The following ARF3 variants were observed in gnomAD, a reference collection of about 807,000 sequenced individuals.
The protein encoded by ARF3 is ADP-ribosylation factor 3.
Under a neutral mutation model 19.3 loss-of-function variants are expected in ARF3, and 5 were observed. That is an observed-to-expected ratio of 0.26 (90% CI 0.14 to 0.54). The LOEUF is 0.54. Among genes scored for constraint, ARF3 ranks in the 20% least tolerant of loss-of-function variants. ARF3 has a pLI of 0.95. For missense variants in ARF3, 77 were observed against 234.2 expected, an observed-to-expected ratio of 0.33 and a Z score of 4.38; for synonymous variants, 71 against 89.2, an observed-to-expected ratio of 0.80 and a Z score of 1.15.
At chr12:48,946,843 G>A (rs570993856) in intron 1 of ARF3, among the ~76,000 whole-genome samples, 3 of 152,014 alleles carry the variant, frequency 2.0e-5, no homozygotes, top group Non-Finnish European at 4.4e-5. Context: ...CATCCCAGTC[G>A]GCCACACATA....
intron 1 of ARF3, among the ~76,000 whole-genome samples, chr12:48,946,919 T>A (rs1434974746): frequency 6.6e-6 from 1 of 152,218 alleles, no homozygotes; most frequent in African/African-American, 2.4e-5. Context: ...AGGGGACTCC[T>A]GATCTGGCAC....
rs972648145 is a variant in ARF3, at chr12:48,937,400, G to C, written c.*1547C>G. ...CAGCCACGTCTTCACAGAAACTACA[G>C]AAGTCAGGACCCAGGCGAGGACCTC... is the stretch of plus-strand genomic sequence containing the variant. On this transcript the variant is annotated 3_prime_UTR_variant, in exon 5 of 5. Transcript: ENST00000256682. The C allele has an allele frequency of 4.6e-5, 7 of 152,702 alleles. No homozygotes were observed. Among genetic ancestry groups the C allele is most frequent in the African/African-American group, 1.7e-4 (7 of 41,472 alleles). The allele number at this position is 152,702 out of a possible 1,614,324, so 9.5% of individuals were successfully genotyped here. A position where few individuals can be genotyped will look rare whatever the true frequency, so the allele number is the denominator to read the frequency against.
chr12:48,952,340 T>G (rs1940486723), intron 1 of ARF3, among the ~76,000 whole-genome samples: 1 of 152,204 alleles, frequency 6.6e-6, no homozygotes, highest in African/African-American at 2.4e-5. Flanking sequence ...AAGGTCTGTT[T>G]TAGAATCCTA....
rs1940182597 is a variant in ARF3, at chr12:48,938,202, G to A, written c.*745C>T. On this transcript the variant is annotated 3_prime_UTR_variant, in exon 5 of 5. Coordinates refer to ENST00000256682, the MANE Select transcript of ARF3 (RefSeq NM_001659.3). ...ATCCTCCAGCCCTAAGAAGGGTGGA[G>A]AGAAGAGTACAAGGAAAATGGTGGT... The A allele has an allele frequency of 5.7e-6, 2 of 352,510 alleles. No individual in the cohort carries two copies. Among genetic ancestry groups the A allele is most frequent in the Non-Finnish European group, 1.1e-5 (2 of 176,250 alleles). 21.8% of individuals were successfully genotyped at this position (352,510 alleles called of 1,614,324 possible).
rs201168387 is a variant in ARF3, at chr12:48,945,804, CTTTA to C, written c.-93-4620_-93-4617del. 4.7e-3 allele frequency among the ~76,000 whole-genome samples: 708 copies of C among 152,178 alleles called. 4 individuals carry two copies. The highest frequency in any genetic ancestry group is 0.014 in the African/African-American group (577 of 41,538). The stretch of plus-strand genomic sequence containing the variant: ...ACTAATGGATGTTATGACTCCTCCT[CTTTA>C]TTTATTTATTTTTTTTGAGACAGTC... On this transcript the variant is annotated intron_variant, in intron 1 of 4. Transcript: ENST00000256682.
In ARF3 at chr12:48,941,205, T is replaced by A; in HGVS notation, c.-93-17A>T. The A allele has an allele frequency of 1.6e-6, 2 of 1,218,402 alleles. No homozygotes were observed. The highest frequency in any genetic ancestry group is 2.3e-6 in the Non-Finnish European group (2 of 883,978). 75.5% of individuals were successfully genotyped at this position (1,218,402 alleles called of 1,614,324 possible). A position where few individuals can be genotyped will look rare whatever the true frequency, so the allele number is the denominator to read the frequency against. The stretch of plus-strand genomic sequence containing the variant: ...GACTTGATCCTAGACAAAGGAAATG[T>A]AAAATCATACCATCATTTGCTTGTC... On this transcript the variant is annotated splice_polypyrimidine_tract_variant and intron_variant, in intron 1 of 4. Coordinates refer to ENST00000256682, the MANE Select transcript of ARF3 (RefSeq NM_001659.3).
chr12:48,949,754 A>C (rs914445967), intron 1 of ARF3, among the ~76,000 whole-genome samples: 1 of 151,606 alleles, frequency 6.6e-6, no homozygotes, highest in Admixed American at 6.6e-5. Flanking sequence ...TATGTTACCC[A>C]GGCTGGTCTC....
intron 1 of ARF3, among the ~76,000 whole-genome samples, chr12:48,942,292 G>A (rs1054237829): frequency 6.0e-5 from 9 of 150,474 alleles, no homozygotes; most frequent in African/African-American, 2.2e-4. Context: ...TGTTGCCCAG[G>A]CTGGTCCCAA....
intron 2 of ARF3, 99 bp from the exon 3 acceptor site, chr12:48,940,206 A>AT: frequency 1.0e-6 from 1 of 964,080 alleles, no homozygotes; most frequent in Non-Finnish European, 1.7e-6. Flanking sequence ...AGTGGTGGCC[A>AT]TAACACCAAC....
At position 48,938,710 on chromosome 12, in the gene ARF3, T is replaced by C. The variant is rs374542183; in HGVS notation, c.*237A>G. On this transcript the variant is annotated 3_prime_UTR_variant, in exon 5 of 5. Transcript: ENST00000256682. ...ACCCCATGAAACCGTAACAACTTTT[T>C]GTTTTAAATCCAGTAAATTGGAATG... The C allele has an allele frequency of 2.7e-5, 15 of 565,728 alleles. No homozygotes were observed. The highest frequency in any genetic ancestry group is 2.5e-4 in the African/African-American group (13 of 52,900). The allele number at this position is 565,728 out of a possible 1,614,324, so 35.0% of individuals were successfully genotyped here. A position where few individuals can be genotyped will look rare whatever the true frequency, so the allele number is the denominator to read the frequency against.
At chr12:48,950,031 A>C (rs771641918) in intron 1 of ARF3, among the ~76,000 whole-genome samples, 1 of 152,222 alleles carries the variant, frequency 6.6e-6, no homozygotes, top group Non-Finnish European at 1.5e-5. Flanking sequence ...TACAGTATCA[A>C]GCTGGTAAAC....
rs76068497 is a variant in ARF3, at chr12:48,936,589, C to G, written c.*2358G>C. The G allele has an allele frequency of 3.3e-5, 5 of 152,770 alleles. No individual in the cohort carries two copies. The East Asian group carries it at 9.7e-4, about 29-fold the overall frequency. 9.5% of individuals were successfully genotyped at this position (152,770 alleles called of 1,614,324 possible). Reference sequence around the variant, plus strand: ...ACTTACTGCCCCCTGCTGGACAGATCTGGGGCAGCACCAAGGCAACCTCCT... The same window carrying G: ...ACTTACTGCCCCCTGCTGGACAGATGTGGGGCAGCACCAAGGCAACCTCCT... On this transcript the variant is annotated 3_prime_UTR_variant, in exon 5 of 5. Coordinates refer to ENST00000256682, the MANE Select transcript of ARF3 (RefSeq NM_001659.3).
chr12:48,949,834 T>C (rs1458888189), intron 1 of ARF3, among the ~76,000 whole-genome samples: 1 of 152,086 alleles, frequency 6.6e-6, no homozygotes, highest in Non-Finnish European at 1.5e-5. Flanking sequence ...CATGAGCCAT[T>C]GTGCCTGGCC....
intron 1 of ARF3, among the ~76,000 whole-genome samples, chr12:48,950,791 GT>G (rs373972521): frequency 4.1e-5 from 6 of 146,920 alleles, no homozygotes; most frequent in South Asian, 2.2e-4. Flanking sequence ...CTGCCTTTTT[GT>G]TTTTTTTTTG....
In ARF3 at chr12:48,940,961, G is replaced by A; in HGVS notation, c.135C>T (p.Thr45=). ...YKLKLGEIVT[T]IPTIGFNVET... is the part of the protein sequence containing the mutation. ...CTGTGCTCTTACCAATGGTAGGGAT[G>A]GTGGTGACGATCTCCCCGAGTTTCA... The change falls in exon 2 of 5, where the codon ACC becomes ACT. Residue 45 remains threonine (T), a synonymous_variant. Coordinates refer to ENST00000256682, the MANE Select transcript of ARF3 (RefSeq NM_001659.3). 1 of 1,608,646 alleles carries A rather than the reference G, an allele frequency of 6.2e-7. No homozygotes were observed. The highest frequency in any genetic ancestry group is 8.5e-7 in the Non-Finnish European group (1 of 1,176,890).
At chr12:48,949,661 A>C (rs947091714) in intron 1 of ARF3, among the ~76,000 whole-genome samples, 5 of 151,478 alleles carry the variant, frequency 3.3e-5, no homozygotes, top group Middle Eastern at 3.4e-3. Context: ...TCCCACCTCA[A>C]CCTCCCAAGT....
intron 1 of ARF3, among the ~76,000 whole-genome samples, chr12:48,954,263 G>A (rs946299379): frequency 2.0e-5 from 3 of 152,176 alleles, no homozygotes; most frequent in Non-Finnish European, 4.4e-5. Flanking sequence ...TGCTGATGCT[G>A]AAGCTGAAAA....
At chr12:48,948,457 T>A (rs775092716) in intron 1 of ARF3, among the ~76,000 whole-genome samples, 8 of 152,098 alleles carry the variant, frequency 5.3e-5, no homozygotes, top group Admixed American at 2.0e-4. Context: ...AGTCTCACTT[T>A]GTTGACCAGG....
At chr12:48,952,142 T>A (rs1388916469) in intron 1 of ARF3, among the ~76,000 whole-genome samples, 1 of 152,198 alleles carries the variant, frequency 6.6e-6, no homozygotes, top group Non-Finnish European at 1.5e-5. Flanking sequence ...AGAATTGTTA[T>A]GCCAGCTTCC....
Sources: gnomAD v4.1 joint callset for allele counts (sites outside exome capture counted in the v4.1 genomes callset) on GRCh38, gnomAD v4.1.1 for gene constraint, MANE v1.5 for transcripts, NCBI Gene and HGNC (gene_info 2026-07-23, HGNC 2026-07-21) for gene names.